The following IGF1R variants were observed in gnomAD, a reference collection of about 807,000 sequenced individuals.
IGF1R encodes the protein insulin-like growth factor 1 receptor.
A neutral mutation model predicts 144.6 loss-of-function variants in IGF1R; 44 were observed. The observed-to-expected ratio is 0.30, with a 90% CI of 0.24 to 0.39. IGF1R has a LOEUF of 0.39. Ranked by LOEUF, IGF1R falls within the 10% of genes least tolerant of loss-of-function variation. The pLI is 1.00. For synonymous variants in IGF1R, 795 were observed against 722.8 expected, an observed-to-expected ratio of 1.10 and a Z score of -1.60; for missense variants, 1,355 against 1,833.7, an observed-to-expected ratio of 0.74 and a Z score of 4.77.
At chr15:98,785,929 G>A (rs958851708) in intron 2 of IGF1R, among the ~76,000 whole-genome samples, 1 of 152,130 alleles carries the variant, frequency 6.6e-6, no homozygotes, top group East Asian at 1.9e-4. Flanking sequence ...ATGTGGGCTC[G>A]GTCTGCTGAA....
chr15:98,906,139 G>T (rs1596424289), intron 5 of IGF1R, among the ~76,000 whole-genome samples: 1 of 152,184 alleles, frequency 6.6e-6, no homozygotes, highest in African/African-American at 2.4e-5. Flanking sequence ...CAAATACACA[G>T]AATTTCAGTG....
chr15:98,922,580 C>T lies in IGF1R; in HGVS notation c.2485+149C>T, dbSNP rs41322748. 95,900 of 884,050 alleles carry T rather than the reference C, an allele frequency of 0.11. 6,078 individuals are homozygous for T. Among genetic ancestry groups the T allele is most frequent in the East Asian group, 0.24 (9,326 of 39,296 alleles). The allele number at this position is 884,050 out of a possible 1,614,324, so 54.8% of individuals were successfully genotyped here. ...ATAACGTGCAGTCATTGGCAGGTGG[C>T]GTGTAGACCAGCTGCCCAGGGAACA... is the stretch of plus-strand genomic sequence containing the variant. On this transcript the variant is annotated intron_variant, in intron 11 of 20. Transcript: ENST00000650285.
chr15:98,927,550 C>T (rs182790027), intron 13 of IGF1R, among the ~76,000 whole-genome samples: 61 of 152,230 alleles, frequency 4.0e-4, no homozygotes, highest in African/African-American at 1.3e-3. Context: ...AAAAAGAACA[C>T]AGTACAGCCT....
At chr15:98,802,370 T>C (rs1362200310) in intron 2 of IGF1R, among the ~76,000 whole-genome samples, 4 of 152,100 alleles carry the variant, frequency 2.6e-5, no homozygotes, top group Non-Finnish European at 5.9e-5. Context: ...AGAAAACTCA[T>C]GGTGGTGAGC....
At chr15:98,906,820 ATG>A (rs1360662269) in intron 5 of IGF1R, among the ~76,000 whole-genome samples, 1 of 152,300 alleles carries the variant, frequency 6.6e-6, no homozygotes, top group East Asian at 1.9e-4. Context: ...AGGCCTGAAG[ATG>A]GGCGTGTGAG....
Position 98,913,088 on chromosome 15 carries a change from G to T in IGF1R, c.1634G>T (p.Gly545Val). ...VTEYDGQDAC[G>V]SNSWNMVDVD... is the part of the protein sequence containing the mutation. ...GAGTATGATGGGCAGGATGCCTGCG[G>T]CTCCAACAGCTGGAACATGGTGGAC... The change falls in exon 8 of 21, where the codon GGC becomes GTC. Residue 545 changes from glycine (G) to valine (V), a missense_variant. Transcript: ENST00000650285. 1.2e-6 allele frequency: 2 copies of T among 1,614,160 alleles called. No homozygotes were observed. The highest frequency in any genetic ancestry group is 1.7e-6 in the Non-Finnish European group (2 of 1,179,978).
intron 2 of IGF1R, among the ~76,000 whole-genome samples, chr15:98,779,587 A>C (rs1198158534): frequency 6.6e-6 from 1 of 152,194 alleles, no homozygotes; most frequent in African/African-American, 2.4e-5. Context: ...TCACTGTGAA[A>C]TTTTACTGTT....
chr15:98,931,193 G>T (rs1200158074), intron 15 of IGF1R, among the ~76,000 whole-genome samples: 1 of 152,134 alleles, frequency 6.6e-6, no homozygotes, highest in South Asian at 2.1e-4. Flanking sequence ...GAGGTCCCCC[G>T]GGCAGGCAAG....
intron 19 of IGF1R, among the ~76,000 whole-genome samples, chr15:98,946,763 A>C (rs1360594515): frequency 6.6e-6 from 1 of 151,908 alleles, no homozygotes; most frequent in Non-Finnish European, 1.5e-5. Flanking sequence ...TTGGGCCGGG[A>C]GGGCCAGGGT....
chr15:98,909,254 T>TTCTTTTTTC (rs1555459633), intron 6 of IGF1R, among the ~76,000 whole-genome samples: 1 of 118,558 alleles, frequency 8.4e-6, no homozygotes, highest in African/African-American at 3.5e-5. Flanking sequence ...TTTTTTTCTT[T>TTCTTTTTTC]TTTTTTCTTT....
At chr15:98,900,406 A>T (rs1393190586) in intron 5 of IGF1R, among the ~76,000 whole-genome samples, 1 of 152,238 alleles carries the variant, frequency 6.6e-6, no homozygotes, top group African/African-American at 2.4e-5. Flanking sequence ...TCCAAAGAGA[A>T]TTTGGGAAAA....
intron 2 of IGF1R, among the ~76,000 whole-genome samples, chr15:98,726,712 A>ATTTTTTTT (rs756622481): frequency 5.3e-4 from 49 of 93,080 alleles, no homozygotes; most frequent in Non-Finnish European, 8.0e-4. Flanking sequence ...TACATTGATG[A>ATTTTTTTT]TTTTTTTTTT....
chr15:98,870,968 T>C (rs1408562773), intron 2 of IGF1R, among the ~76,000 whole-genome samples: 2 of 152,252 alleles, frequency 1.3e-5, no homozygotes, highest in African/African-American at 4.8e-5. Flanking sequence ...GCATGAGAAC[T>C]GGGCAGTCTG....
chr15:98,923,427 C>T (rs1181401642), intron 11 of IGF1R, among the ~76,000 whole-genome samples: 1 of 152,266 alleles, frequency 6.6e-6, no homozygotes, highest in Admixed American at 6.5e-5. Context: ...TCACAGCCGG[C>T]AGGCCCCGTG....
At position 98,962,091 on chromosome 15, in the gene IGF1R, T is replaced by C; in HGVS notation, c.*4649T>C. ...CCACCTCTGCAGGCTGGCAGCCGAA[T>C]GGCTTGCCAGTGGCTCTGTGGCAAG... On this transcript the variant is annotated 3_prime_UTR_variant, in exon 21 of 21. Coordinates refer to ENST00000650285, the MANE Select transcript of IGF1R (RefSeq NM_000875.5). 1 of 233,338 alleles carries C rather than the reference T, an allele frequency of 4.3e-6. No homozygotes were observed. 14.5% of individuals were successfully genotyped at this position (233,338 alleles called of 1,614,324 possible).
At chr15:98,760,082 G>C (rs370044426) in intron 2 of IGF1R, among the ~76,000 whole-genome samples, 2 of 151,988 alleles carry the variant, frequency 1.3e-5, no homozygotes, top group Admixed American at 6.6e-5. Flanking sequence ...GCTCACGCCT[G>C]TAATCCCAGC....
At chr15:98,797,908 A>G (rs562633848) in intron 2 of IGF1R, among the ~76,000 whole-genome samples, 10 of 152,328 alleles carry the variant, frequency 6.6e-5, no homozygotes, top group Admixed American at 2.0e-4. Flanking sequence ...GGAGACTTTT[A>G]AGTTGGATTC....
intron 19 of IGF1R, 25 bp downstream of exon 19, chr15:98,943,077 C>A (rs1218762010): frequency 1.9e-6 from 3 of 1,613,730 alleles, no homozygotes; most frequent in Middle Eastern, 1.7e-4. Context: ...ACTGCATTGC[C>A]AGCCTGGAGC....
intron 8 of IGF1R, 49 bp from the exon 9 acceptor site, chr15:98,915,915 C>G: frequency 6.3e-7 from 1 of 1,577,686 alleles, no homozygotes; most frequent in Non-Finnish European, 8.7e-7. Flanking sequence ...GATAGCCTGA[C>G]TCTTAAGTTC....
Sources: allele counts gnomAD v4.1 joint callset (sites outside exome capture counted in the v4.1 genomes callset), GRCh38; gene constraint gnomAD v4.1.1; transcripts MANE v1.5; gene names NCBI Gene and HGNC (gene_info 2026-07-23, HGNC 2026-07-21).